Variants in AASS observed in about 807,000 individuals in gnomAD.
AASS encodes the protein alpha-aminoadipic semialdehyde synthase, mitochondrial.
A neutral mutation model predicts 105.4 loss-of-function variants in AASS; 86 were observed. The observed-to-expected ratio is 0.82, with a 90% CI of 0.69 to 0.98. The LOEUF (loss-of-function observed/expected upper bound fraction) is 0.98, where lower values mean the gene tolerates loss of function less well. Among genes scored for constraint, AASS ranks in the 50% least tolerant of loss-of-function variants. The pLI is 0.00. For synonymous variants in AASS, 381 were observed against 394.8 expected, an observed-to-expected ratio of 0.96 and a Z score of 0.41; for missense variants, 1,048 against 1,143.2, an observed-to-expected ratio of 0.92 and a Z score of 1.20.
intron 15 of AASS, among the ~76,000 whole-genome samples, chr7:122,096,980 T>C (rs970300873): frequency 6.6e-6 from 1 of 152,126 alleles, no homozygotes; most frequent in African/African-American, 2.4e-5. Flanking sequence ...TGAATCAGAA[T>C]TTCTTTTCAT....
chr7:122,113,937 A>G (rs141362875), intron 9 of AASS, among the ~76,000 whole-genome samples: 1,998 of 150,932 alleles, frequency 0.013, 21 homozygotes, highest in Middle Eastern at 0.031. Flanking sequence ...AAAAAAAAAA[A>G]AAAGAAAGAA....
intron 15 of AASS, among the ~76,000 whole-genome samples, chr7:122,093,413 A>C (rs1444727115): frequency 6.6e-6 from 1 of 152,212 alleles, no homozygotes; most frequent in Non-Finnish European, 1.5e-5. Context: ...TATCTATCCA[A>C]AGGAAAATAG....
Position 122,113,621 on chromosome 7 carries a change from T to C in AASS, c.1143A>G (p.Ala381=), listed in dbSNP as rs1441130999. 1.2e-6 allele frequency: 2 copies of C among 1,613,622 alleles called. No individual in the cohort carries two copies. The highest frequency in any genetic ancestry group is 1.3e-5 in the African/African-American group (1 of 74,922). The part of the protein sequence containing the change: ...TIEHPFCMYD[A]DQHIIHDSVE... ...ACCTGTCATGAATAATATGCTGGTC[T>C]GCATCATACATGCAAAAGGGATGCT... The change falls in exon 10 of 24, where the codon GCA becomes GCG. Residue 381 remains alanine, a synonymous_variant. Coordinates refer to ENST00000417368, the MANE Select transcript of AASS (RefSeq NM_005763.4).
At chr7:122,110,853 C>T (rs1297620731) in intron 11 of AASS, among the ~76,000 whole-genome samples, 2 of 151,654 alleles carry the variant, frequency 1.3e-5, no homozygotes, top group Non-Finnish European at 2.9e-5. Flanking sequence ...TCTTAGCAAC[C>T]AGAACTTAGT....
At chr7:122,129,215 T>C (rs1323658574) in intron 3 of AASS, 146 bp downstream of exon 3, 1 of 545,234 alleles carries the variant, frequency 1.8e-6, no homozygotes, top group African/African-American at 2.0e-5. Context: ...AGAGCTTTTA[T>C]CATTCTTTCC....
intron 11 of AASS, among the ~76,000 whole-genome samples, chr7:122,107,917 G>A (rs1227131824): frequency 1.5e-5 from 2 of 134,910 alleles, no homozygotes; most frequent in Admixed American, 1.6e-4. Context: ...ATTAGCTTCT[G>A]CAACATTATT....
intron 22 of AASS, among the ~76,000 whole-genome samples, chr7:122,078,494 C>T (rs978649099): frequency 1.3e-5 from 2 of 151,650 alleles, no homozygotes; most frequent in African/African-American, 4.9e-5. Flanking sequence ...CAACTGTAGT[C>T]CCAGCTACTC....
chr7:122,102,361 T>C (rs1030930627), intron 11 of AASS, among the ~76,000 whole-genome samples: 1 of 152,000 alleles, frequency 6.6e-6, no homozygotes, highest in African/African-American at 2.4e-5. Flanking sequence ...CTCTTGAATA[T>C]ACTGCCAAGA....
intron 1 of AASS, among the ~76,000 whole-genome samples, chr7:122,134,196 A>G (rs888868905): frequency 6.6e-6 from 1 of 152,166 alleles, no homozygotes; most frequent in Admixed American, 6.5e-5. Context: ...TTTCCAGTTC[A>G]TCTCTGACCA....
intron 1 of AASS, among the ~76,000 whole-genome samples, chr7:122,136,475 G>A (rs1221930682): frequency 1.3e-5 from 2 of 152,156 alleles, no homozygotes; most frequent in African/African-American, 4.8e-5. Flanking sequence ...TTCAGTAAAC[G>A]ACTGTTATAT....
At chr7:122,093,524 T>C (rs180878884) in intron 15 of AASS, among the ~76,000 whole-genome samples, 80 of 152,222 alleles carry the variant, frequency 5.3e-4, no homozygotes, top group African/African-American at 1.7e-3. Context: ...AATAGTGGGA[T>C]TGGGGCCAGG....
intron 1 of AASS, among the ~76,000 whole-genome samples, chr7:122,140,161 A>G (rs1796319133): frequency 2.0e-5 from 3 of 152,078 alleles, no homozygotes; most frequent in Admixed American, 2.0e-4. Flanking sequence ...TACCTAAGCA[A>G]AACAATGCAC....
chr7:122,101,749 A>G (rs1794442394), intron 11 of AASS, 69 bp from the exon 12 acceptor site: 5 of 1,103,478 alleles, frequency 4.5e-6, no homozygotes, highest in Non-Finnish European at 6.9e-6. Flanking sequence ...GTTTGTATCC[A>G]TATTAAAATA....
Position 122,098,834 on chromosome 7 carries a change from C to T in AASS, c.1439G>A (p.Arg480Lys), listed in dbSNP as rs1337120116. The change falls in exon 14 of 24, where the codon AGG (arginine) becomes AAG (lysine). Residue 480 changes from arginine to lysine, a missense_variant. Coordinates refer to ENST00000417368, the MANE Select transcript of AASS (RefSeq NM_005763.4). ...ERAQSLSMGT[R>K]RKVLVLGSGY... Reference sequence around the variant, plus strand: ...AGATCCAAGAACCAAAACCTTTCTCCTGGTGCCCATTGAAAGTGACTGAGC... The same window carrying T: ...AGATCCAAGAACCAAAACCTTTCTCTTGGTGCCCATTGAAAGTGACTGAGC... The T allele has an allele frequency of 6.3e-7, 1 of 1,594,124 alleles. No individual in the cohort carries two copies. The highest frequency in any genetic ancestry group is 1.1e-5 in the South Asian group (1 of 89,056).
chr7:122,108,312 A>G (rs1259325778), intron 11 of AASS, among the ~76,000 whole-genome samples: 1 of 152,120 alleles, frequency 6.6e-6, no homozygotes, highest in Non-Finnish European at 1.5e-5. Flanking sequence ...AATTCTTCCA[A>G]ACTAATTCTA....
intron 4 of AASS, among the ~76,000 whole-genome samples, chr7:122,123,259 A>G (rs917569665): frequency 6.6e-6 from 1 of 151,868 alleles, no homozygotes; most frequent in South Asian, 2.1e-4. Flanking sequence ...AGGCTCCCCA[A>G]CTCCTATCTC....
intron 2 of AASS, among the ~76,000 whole-genome samples, chr7:122,132,531 T>G (rs1037927890): frequency 1.3e-5 from 2 of 152,120 alleles, no homozygotes; most frequent in Non-Finnish European, 2.9e-5. Flanking sequence ...AAGGGTGATA[T>G]AGACTTTAAC....
intron 4 of AASS, among the ~76,000 whole-genome samples, chr7:122,119,057 C>T (rs183149601): frequency 1.5e-4 from 23 of 152,236 alleles, no homozygotes; most frequent in African/African-American, 5.5e-4. Context: ...ACAAAGTCAC[C>T]ATTAACCCTA....
At chr7:122,104,796 G>A (rs1319414608) in intron 11 of AASS, among the ~76,000 whole-genome samples, 1 of 151,848 alleles carries the variant, frequency 6.6e-6, no homozygotes, top group South Asian at 2.1e-4. Flanking sequence ...ATGGGAGGAG[G>A]GTGAAGACTG....
Sources: gnomAD v4.1 joint callset for allele counts (sites outside exome capture counted in the v4.1 genomes callset) on GRCh38, gnomAD v4.1.1 for gene constraint, MANE v1.5 for transcripts, NCBI Gene and HGNC (gene_info 2026-07-23, HGNC 2026-07-21) for gene names.